The following ADGRV1 variants were observed in gnomAD, a reference collection of about 807,000 sequenced individuals.
ADGRV1 encodes the protein adhesion G protein-coupled receptor V1.
In ADGRV1, 359 loss-of-function variants were observed where a neutral mutation model predicts 596.2. That is an observed-to-expected ratio of 0.60 (90% confidence interval 0.55 to 0.66). The LOEUF is 0.66. ADGRV1 is among the 30% of genes least tolerant of loss of function. The probability of loss-of-function intolerance (pLI) is 0.00; values close to 1 mark genes in which losing one functional copy is unlikely to be tolerated. For missense variants in ADGRV1, 7,274 were observed against 7,575.6 expected (o/e 0.96, Z 1.48); for synonymous variants, 2,681 against 2,679.2 (o/e 1.00, Z -0.02).
intron 18 of ADGRV1, among the ~76,000 whole-genome samples, 168 bp downstream of exon 18, chr5:90,651,898 T>C (rs1489603300): frequency 6.6e-6 from 1 of 152,016 alleles, no homozygotes; most frequent in Non-Finnish European, 1.5e-5. Flanking sequence ...TTGCCACTTA[T>C]CTTCAAAAAA....
At chr5:90,635,628 T>C in intron 10 of ADGRV1, among the ~76,000 whole-genome samples, 1 of 152,006 alleles carries the variant, frequency 6.6e-6, no homozygotes, top group African/African-American at 2.4e-5. Flanking sequence ...GATTTTACTC[T>C]GTCGCCCAGG....
At position 90,614,155 on chromosome 5, in the gene ADGRV1, G is replaced by GAA. The variant is rs11286344; in HGVS notation, c.23-664_23-663dup. 941 of 259,342 alleles carry GAA rather than the reference G, an allele frequency of 3.6e-3. 1 individual carries two copies. Among genetic ancestry groups the GAA allele is most frequent in the South Asian group, 6.2e-3 (192 of 31,012 alleles). 16.1% of individuals were successfully genotyped at this position (259,342 alleles called of 1,614,324 possible). ...GACTCATAAACACACATATCATAGTGAAAAAAAAAAAAAAAAAGAAAGTTG... is the reference window on the plus strand; with the variant it reads ...GACTCATAAACACACATATCATAGTGAAAAAAAAAAAAAAAAAAAGAAAGTTG... On this transcript the variant is annotated intron_variant, in intron 1 of 89. Coordinates refer to ENST00000405460, the MANE Select transcript of ADGRV1 (RefSeq NM_032119.4).
At chr5:90,782,941 A>G (rs1279774667) in intron 65 of ADGRV1, among the ~76,000 whole-genome samples, 183 bp from the exon 66 acceptor site, 3 of 152,218 alleles carry the variant, frequency 2.0e-5, no homozygotes, top group Non-Finnish European at 4.4e-5. Flanking sequence ...CTGATAAACT[A>G]TGTTCCTCCT....
Position 91,038,664 on chromosome 5 carries a change from A to G in ADGRV1, c.18153-33783A>G, listed in dbSNP as rs147177658. On this transcript the variant is annotated intron_variant, in intron 85 of 89. Transcript: ENST00000405460. ...GAATTAACTAGCCTCTTGGGGATTT[A>G]TCTCATAAATTCACTTCTATTTCAG... Among the ~76,000 whole-genome samples the G allele has an allele frequency of 8.0e-3, 1,223 of 152,272 alleles. 18 individuals are homozygous for G. Among genetic ancestry groups the G allele is most frequent in the African/African-American group, 0.028 (1,166 of 41,546 alleles).
intron 83 of ADGRV1, among the ~76,000 whole-genome samples, chr5:90,905,705 G>A (rs4916830): frequency 0.2 from 30,785 of 151,806 alleles, 5,039 homozygotes; most frequent in African/African-American, 0.44. Context: ...TTTTTTTCCA[G>A]TTTGGATGCC....
chr5:90,623,735 A>G (rs1187641170), intron 5 of ADGRV1, among the ~76,000 whole-genome samples: 2 of 152,020 alleles, frequency 1.3e-5, no homozygotes, highest in Non-Finnish European at 2.9e-5. Flanking sequence ...TTTTTTCAGT[A>G]CACCAAATGG....
intron 89 of ADGRV1, among the ~76,000 whole-genome samples, chr5:91,154,801 C>T (rs1796338464): frequency 6.6e-6 from 1 of 152,144 alleles, no homozygotes; most frequent in Non-Finnish European, 1.5e-5. Flanking sequence ...AAATGCCAGA[C>T]ACTTGTAAAA....
chr5:91,048,645 C>A lies in ADGRV1; in HGVS notation c.18153-23802C>A, dbSNP rs560931538. The stretch of plus-strand genomic sequence containing the variant: ...CTAATCCTTTCCTTTTCTAAACTTT[C>A]TTTCTCTCTTTCTGACTTTCTTTCT... On this transcript the variant is annotated intron_variant, in intron 85 of 89. Transcript: ENST00000405460. Among the ~76,000 whole-genome samples, 16 of 152,218 alleles carry A rather than the reference C, an allele frequency of 1.1e-4. No individual in the cohort carries two copies. The South Asian group carries it at 1.2e-3, about 12-fold the overall frequency.
intron 83 of ADGRV1, among the ~76,000 whole-genome samples, chr5:90,864,568 T>C (rs1767911125): frequency 6.6e-6 from 1 of 152,174 alleles, no homozygotes; most frequent in African/African-American, 2.4e-5. Flanking sequence ...TTTTCATTTT[T>C]CTCTGAAGGT....
chr5:90,763,489 T>G lies in ADGRV1; in HGVS notation c.12285+20T>G. ...GATGAGGTATAGTCAGCATTAGCAC[T>G]CCTGTAATTTTTCCCCAATTTGTCT... On this transcript the variant is annotated intron_variant, in intron 59 of 89. Coordinates refer to ENST00000405460, the MANE Select transcript of ADGRV1 (RefSeq NM_032119.4). 2 of 1,577,120 alleles carry G rather than the reference T, an allele frequency of 1.3e-6. No individual in the cohort carries two copies. Among genetic ancestry groups the G allele is most frequent in the Non-Finnish European group, 1.7e-6 (2 of 1,156,808 alleles).
chr5:90,665,872 T>C (rs1580657683), intron 21 of ADGRV1, among the ~76,000 whole-genome samples: 1 of 150,348 alleles, frequency 6.7e-6, no homozygotes, highest in Non-Finnish European at 1.5e-5. Flanking sequence ...TCGTTATGTA[T>C]CCAGTAGTCA....
intron 34 of ADGRV1, among the ~76,000 whole-genome samples, chr5:90,701,447 C>T (rs78973535): frequency 0.02 from 2,989 of 152,046 alleles, 92 homozygotes; most frequent in African/African-American, 0.069. Context: ...AAATACCTCC[C>T]TTTTGATTAT....
intron 52 of ADGRV1, among the ~76,000 whole-genome samples, chr5:90,747,596 G>A (rs1481176121): frequency 6.6e-6 from 1 of 151,980 alleles, no homozygotes; most frequent in East Asian, 1.9e-4. Context: ...ATAAAATGTT[G>A]CCAACCAGGG....
intron 85 of ADGRV1, among the ~76,000 whole-genome samples, chr5:91,058,636 T>C (rs1787121653): frequency 6.6e-6 from 1 of 152,152 alleles, no homozygotes; most frequent in Non-Finnish European, 1.5e-5. Flanking sequence ...ACTGGTGGTG[T>C]GATGGTGTCA....
At chr5:91,078,754 G>C (rs886192690) in intron 86 of ADGRV1, among the ~76,000 whole-genome samples, 3 of 152,218 alleles carry the variant, frequency 2.0e-5, no homozygotes, top group African/African-American at 7.2e-5. Context: ...TGTGAGTGAA[G>C]AAGGCTTCTT....
At chr5:90,613,938 C>T (rs933844569) in intron 1 of ADGRV1, among the ~76,000 whole-genome samples, 1 of 152,002 alleles carries the variant, frequency 6.6e-6, no homozygotes, top group Non-Finnish European at 1.5e-5. Flanking sequence ...CTTTAAAACA[C>T]GTGAACTTTT....
At chr5:90,830,926 C>T (rs189852123) in intron 77 of ADGRV1, among the ~76,000 whole-genome samples, 138 of 152,212 alleles carry the variant, frequency 9.1e-4, no homozygotes, top group African/African-American at 3.3e-3. Context: ...AAGCCTGGCC[C>T]TCCTTTAAGT....
At chr5:91,085,572 C>T (rs575679441) in intron 86 of ADGRV1, among the ~76,000 whole-genome samples, 99 of 152,198 alleles carry the variant, frequency 6.5e-4, no homozygotes, top group African/African-American at 2.3e-3. Context: ...TTCTCTTTGC[C>T]GTCTCTCTTC....
intron 84 of ADGRV1, among the ~76,000 whole-genome samples, chr5:90,969,186 CTG>C (rs1295933581): frequency 2.0e-5 from 3 of 152,122 alleles, no homozygotes; most frequent in Non-Finnish European, 4.4e-5. Flanking sequence ...TCTTTACAGA[CTG>C]TGAAAAGACA....
Sources: allele counts gnomAD v4.1 joint callset (sites outside exome capture counted in the v4.1 genomes callset), GRCh38; gene constraint gnomAD v4.1.1; transcripts MANE v1.5; gene names NCBI Gene and HGNC (gene_info 2026-07-23, HGNC 2026-07-21).